Variants in FLCN observed in about 807,000 individuals in gnomAD.
The protein encoded by FLCN is BHD skin lesion fibrofolliculoma protein.
Under a neutral mutation model 62.5 loss-of-function variants are expected in FLCN, and 22 were observed. The ratio of observed to expected loss-of-function variants is 0.35; its 90% confidence interval spans 0.25 to 0.50. The LOEUF is 0.50. Among genes scored for constraint, FLCN ranks in the 20% least tolerant of loss-of-function variants. The pLI is 0.97. For synonymous variants in FLCN, 319 were observed against 310.0 expected (o/e 1.03, Z -0.30); for missense variants, 657 against 778.0 (o/e 0.84, Z 1.85).
chr17:17,228,304 G>T, intron 3 of FLCN, 143 bp from the exon 4 acceptor site: 1 of 978,088 alleles, frequency 1.0e-6, no homozygotes, highest in Non-Finnish European at 1.5e-6. Context: ...CCAGCCCCCT[G>T]CCAGCACTGC....
chr17:17,233,528 C>T (rs1406258406), intron 1 of FLCN, among the ~76,000 whole-genome samples: 4 of 143,434 alleles, frequency 2.8e-5, no homozygotes, highest in South Asian at 2.2e-4. Context: ...GAACCTGAGA[C>T]GCAGAGCTTG....
rs554247745 is a variant in FLCN, at chr17:17,227,930, C to G, written c.208G>C (p.Glu70Gln). 1 of 1,614,124 alleles carries G rather than the reference C, an allele frequency of 6.2e-7. No homozygotes were observed. ...AHSPAEGASV[E>Q]SSSPGPKKSD... is the part of the protein sequence containing the mutation. ...TTTTTGGGCCCCGGGCTGCTGGACT[C>G]GACGCTGGCCCCCTCTGCGGGGCTG... Residue 70 changes from glutamate (E) to glutamine (Q), a missense_variant, in exon 4 of 14, where the codon GAG (glutamate) becomes CAG (glutamine). By Grantham distance (29) the Glu-to-Gln change is conservative. Coordinates refer to ENST00000285071, the MANE Select transcript of FLCN (RefSeq NM_144997.7).
At chr17:17,231,914 C>T (rs1216612349) in intron 2 of FLCN, 32 bp from the exon 3 acceptor site, 4 of 152,882 alleles carry the variant, frequency 2.6e-5, no homozygotes, top group African/African-American at 9.7e-5. Flanking sequence ...AGAAAACAGA[C>T]ATTTGAAGAG....
intron 1 of FLCN, chr17:17,235,496 G>T (rs935990677): frequency 6.6e-6 from 1 of 152,184 alleles, no homozygotes; most frequent in Non-Finnish European, 1.5e-5. Flanking sequence ...CTTGTCAGAC[G>T]AGAGCTCTGA....
Position 17,216,538 on chromosome 17 carries a change from G to C in FLCN, c.1177-35C>G, listed in dbSNP as rs199792392. ...ACAGCAGGACTCAGACCAAGGACAC[G>C]AGGAAGCCCTCAGCCCCGGCCATCC... On this transcript the variant is annotated intron_variant, in intron 10 of 13. Coordinates refer to ENST00000285071, the MANE Select transcript of FLCN (RefSeq NM_144997.7). The surrounding 1 kb of genome is among the most constrained non-coding windows in gnomAD (Gnocchi z 4.0). 2 of 1,612,592 alleles carry C rather than the reference G, an allele frequency of 1.2e-6. No individual in the cohort carries two copies. The highest frequency in any genetic ancestry group is 1.7e-6 in the Non-Finnish European group (2 of 1,179,652).
rs981820756 is a variant in FLCN, at chr17:17,216,003, T to A, written c.1300+377A>T. Reference sequence around the variant, plus strand: ...AGCAGAAGTCAGGACAGGGGAACAGTAGAAGAGTGAGGAGAGGATGGCAGG... The same window carrying A: ...AGCAGAAGTCAGGACAGGGGAACAGAAGAAGAGTGAGGAGAGGATGGCAGG... On this transcript the variant is annotated intron_variant, in intron 11 of 13. Transcript: ENST00000285071. This position sits in a 1 kb window ranked among gnomAD's most constrained non-coding sequence, Gnocchi z 4.0. Among the ~76,000 whole-genome samples the A allele has an allele frequency of 6.6e-6, 1 of 152,056 alleles. No homozygotes were observed. Among genetic ancestry groups the A allele is most frequent in the African/African-American group, 2.4e-5 (1 of 41,406 alleles).
At chr17:17,221,333 T>A in intron 8 of FLCN, 4 of 1,563,416 alleles carry the variant, frequency 2.6e-6, no homozygotes, top group Non-Finnish European at 3.5e-6. Flanking sequence ...TTCTTTCACA[T>A]GGCGGTCAAG....
intron 6 of FLCN, 78 bp downstream of exon 6, chr17:17,223,844 C>T: frequency 1.4e-6 from 2 of 1,478,750 alleles, no homozygotes; most frequent in Non-Finnish European, 1.9e-6. Flanking sequence ...ACGCGGTCTC[C>T]AGGCCTCAAC....
At chr17:17,232,235 G>A (rs1291688314) in intron 2 of FLCN, among the ~76,000 whole-genome samples, 4 of 152,178 alleles carry the variant, frequency 2.6e-5, no homozygotes, top group Admixed American at 6.5e-5. Flanking sequence ...CCTGCTCAGA[G>A]TACCCCTTGC....
At chr17:17,215,408 C>T (rs2046888304) in intron 11 of FLCN, 92 bp from the exon 12 acceptor site, 1 of 1,592,438 alleles carries the variant, frequency 6.3e-7, no homozygotes, top group Admixed American at 1.7e-5. Context: ...CCGCTCATCC[C>T]AGGTCAGTGG....
chr17:17,214,839 G>A lies in FLCN; in HGVS notation c.1538+146C>T, dbSNP rs1475846585. 6.1e-6 allele frequency: 5 copies of A among 826,266 alleles called. No homozygotes were observed. In the Admixed American group the frequency reaches 1.0e-4, roughly 16 times the overall value. The allele number at this position is 826,266 out of a possible 1,614,324, so 51.2% of individuals were successfully genotyped here. A position where few individuals can be genotyped will look rare whatever the true frequency, so the allele number is the denominator to read the frequency against. On this transcript the variant is annotated intron_variant, in intron 13 of 13. Transcript: ENST00000285071. ...CTCCCGAGGCCACCTGAGCTTTGCA[G>A]TGGCGGACGTGGAGTTGGAACCCCG...
rs398124524 is a variant in FLCN, at chr17:17,217,128, G to A, written c.1117C>T (p.Gln373Ter). The A allele has an allele frequency of 3.1e-6, 5 of 1,614,140 alleles. No individual in the cohort carries two copies. Among genetic ancestry groups the A allele is most frequent in the Non-Finnish European group, 3.4e-6 (4 of 1,180,026 alleles). ...ACGTCTCTGCTTTTCCAGATCACCT[G>A]GTTCCCCATGAGAACGTGCCAGGCC... ...MLAWHVLMGN[Q>*]VIWKSRDVDL... is the part of the protein sequence containing the mutation. Residue 373 changes from glutamine (Q) to a stop codon, truncating the protein, a stop_gained, in exon 10 of 14, where the codon CAG (glutamine) becomes TAG (stop). Coordinates refer to ENST00000285071, the MANE Select transcript of FLCN (RefSeq NM_144997.7). LOFTEE classifies it high-confidence loss of function.
In FLCN at chr17:17,213,815, C is replaced by T. The variant is rs777826268; in HGVS notation, c.1580G>A (p.Arg527Gln). ...CAGCTTCTGTGTGTCCTCTTTGGGT[C>T]GACTGTCCACCTTGGTGAACTTAAA... is the stretch of plus-strand genomic sequence containing the variant. ...VLFKFTKVDS[R>Q]PKEDTQKLLS... The change falls in exon 14 of 14, where the codon CGA becomes CAA. Residue 527 changes from arginine to glutamine, a missense_variant. By Grantham distance (43) the Arg-to-Gln change is conservative (BLOSUM62 1). Transcript: ENST00000285071. The T allele has an allele frequency of 2.2e-5, 35 of 1,614,078 alleles. No homozygotes were observed. The East Asian group carries it at 3.6e-4, about 16-fold the overall frequency.
At chr17:17,220,908 G>A in intron 8 of FLCN, 2 of 270,852 alleles carry the variant, frequency 7.4e-6, no homozygotes, top group Non-Finnish European at 1.4e-5. Context: ...TTGGAAGGCT[G>A]GTCATTTGCA....
intron 5 of FLCN, 51 bp downstream of exon 5, chr17:17,226,125 T>C (rs758343627): frequency 1.9e-6 from 3 of 1,612,834 alleles, no homozygotes; most frequent in Admixed American, 1.7e-5. Flanking sequence ...CCAGAGCACC[T>C]GGGAGCATGT....
At chr17:17,226,367 G>A in intron 4 of FLCN, 45 bp from the exon 5 acceptor site, 1 of 1,612,186 alleles carries the variant, frequency 6.2e-7, no homozygotes, top group African/African-American at 1.3e-5. Context: ...GGGAAGCAGG[G>A]CGACAAACTC....
chr17:17,224,942 A>C (rs2047206021), intron 5 of FLCN: 2 of 152,722 alleles, frequency 1.3e-5, no homozygotes, highest in African/African-American at 4.8e-5. Context: ...CTGCTAGCAG[A>C]CCAGCGGTAG....
rs2046805090 is a variant in FLCN at position 17,213,283 on chromosome 17, A to G, written c.*372T>C. ...GAAACGCTTGAATGTTAACCTCGGG[A>G]GCAGACATGTTATTGCGACTGCATA... On this transcript the variant is annotated 3_prime_UTR_variant, in exon 14 of 14. Transcript: ENST00000285071. 9.2e-6 allele frequency: 4 copies of G among 433,306 alleles called. No individual in the cohort carries two copies. In the Admixed American group the frequency reaches 1.1e-4, roughly 12 times the overall value. 26.8% of individuals were successfully genotyped at this position (433,306 alleles called of 1,614,324 possible). A position where few individuals can be genotyped will look rare whatever the true frequency, so the allele number is the denominator to read the frequency against.
chr17:17,223,923 T>C lies in FLCN; in HGVS notation c.617A>G (p.Lys206Arg), dbSNP rs886052661. ...IIDELQGKAL[K>R]VFEAEQFGCP... ...CCGGCACCTCATCTCTGAATTCACCTTGAGCGCCTTGCCCTGGAGCTCATC... is the reference window on the plus strand; with the variant it reads ...CCGGCACCTCATCTCTGAATTCACCCTGAGCGCCTTGCCCTGGAGCTCATC... The change falls in exon 6 of 14, where the codon AAG becomes AGG. Residue 206 changes from lysine (K) to arginine (R), a missense_variant and splice_region_variant. Physicochemically the swap from Lys to Arg is conservative, Grantham distance 26. Transcript: ENST00000285071. 1 of 1,613,272 alleles carries C rather than the reference T, an allele frequency of 6.2e-7. No homozygotes were observed. Among genetic ancestry groups the C allele is most frequent in the Non-Finnish European group, 8.5e-7 (1 of 1,180,016 alleles).
Sources: allele counts gnomAD v4.1 joint callset (sites outside exome capture counted in the v4.1 genomes callset), GRCh38; gene constraint gnomAD v4.1.1; non-coding constraint Gnocchi (gnomAD v3.1); transcripts MANE v1.5; gene names NCBI Gene and HGNC (gene_info 2026-07-23, HGNC 2026-07-21).